Variants in PRKCE observed in about 807,000 individuals in gnomAD.
PRKCE encodes the protein protein kinase C epsilon.
In PRKCE, 16 loss-of-function variants were observed where a neutral mutation model predicts 85.4. That is an observed-to-expected ratio of 0.19 (90% CI 0.13 to 0.28). PRKCE has a LOEUF of 0.28. Ranked by LOEUF, PRKCE falls within the 10% of genes least tolerant of loss-of-function variation. PRKCE has a pLI of 1.00. For missense variants in PRKCE, 573 were observed against 975.2 expected, an observed-to-expected ratio of 0.59 and a Z score of 5.49; for synonymous variants, 388 against 371.5, an observed-to-expected ratio of 1.04 and a Z score of -0.51.
At chr2:45,672,367 C>T (rs541387998) in intron 1 of PRKCE, among the ~76,000 whole-genome samples, 1 of 152,220 alleles carries the variant, frequency 6.6e-6, no homozygotes, top group East Asian at 1.9e-4. Flanking sequence ...TCCATTCATT[C>T]ATCCATCTCT....
intron 1 of PRKCE, among the ~76,000 whole-genome samples, chr2:45,693,175 G>A (rs959893801): frequency 6.6e-5 from 10 of 152,066 alleles, no homozygotes; most frequent in African/African-American, 1.9e-4. Flanking sequence ...GGTCAGAGGC[G>A]ACCCTCAGAC....
chr2:45,976,371 A>T, intron 2 of PRKCE, 58 bp from the exon 3 acceptor site: 1 of 1,561,122 alleles, frequency 6.4e-7, no homozygotes, highest in Non-Finnish European at 8.7e-7. Flanking sequence ...GAGGGAGCTC[A>T]TTTTGAAGGT....
At chr2:45,883,133 C>T (rs1287155282) in intron 2 of PRKCE, among the ~76,000 whole-genome samples, 3 of 152,250 alleles carry the variant, frequency 2.0e-5, no homozygotes, top group African/African-American at 4.8e-5. Context: ...CTCATTCCTG[C>T]AGCCAGCCAT....
intron 1 of PRKCE, among the ~76,000 whole-genome samples, chr2:45,703,137 T>G (rs1263203971): frequency 6.8e-6 from 1 of 147,018 alleles, no homozygotes; most frequent in African/African-American, 2.5e-5. Flanking sequence ...TTTTTTTTTT[T>G]GTATTTCTGA....
chr2:45,683,784 C>A (rs1239116113), intron 1 of PRKCE, among the ~76,000 whole-genome samples: 5 of 152,176 alleles, frequency 3.3e-5, no homozygotes, highest in African/African-American at 1.2e-4. Flanking sequence ...GCTCCGTCCT[C>A]CCAGCTATAC....
chr2:46,063,591 T>C (rs72806757), intron 10 of PRKCE, among the ~76,000 whole-genome samples: 3,479 of 152,266 alleles, frequency 0.023, 67 homozygotes, highest in South Asian at 0.074. Context: ...TATTTGAGGC[T>C]CTGTGAAGCA....
intron 1 of PRKCE, among the ~76,000 whole-genome samples, chr2:45,744,353 T>G (rs1210344749): frequency 6.6e-6 from 1 of 152,196 alleles, no homozygotes; most frequent in Non-Finnish European, 1.5e-5. Context: ...TGGCCACACA[T>G]CAGAATCACA....
At chr2:45,868,262 G>A (rs1254530525) in intron 2 of PRKCE, among the ~76,000 whole-genome samples, 2 of 81,536 alleles carry the variant, frequency 2.5e-5, no homozygotes, top group East Asian at 3.9e-4. Context: ...CTACAGCCCA[G>A]CTTGGGTTAA....
chr2:45,703,117 T>A (rs1678808607), intron 1 of PRKCE, among the ~76,000 whole-genome samples: 1 of 40,336 alleles, frequency 2.5e-5, no homozygotes, highest in African/African-American at 1.5e-4. Context: ...TCAGCTTCTG[T>A]TTTATTTATT....
At chr2:45,941,202 C>T (rs1168479718) in intron 2 of PRKCE, among the ~76,000 whole-genome samples, 1 of 151,924 alleles carries the variant, frequency 6.6e-6, no homozygotes, top group Non-Finnish European at 1.5e-5. Flanking sequence ...CTTGAAGAAG[C>T]ACTCATGTGG....
At chr2:45,712,151 T>A (rs1475384462) in intron 1 of PRKCE, among the ~76,000 whole-genome samples, 1 of 139,272 alleles carries the variant, frequency 7.2e-6, no homozygotes, top group African/African-American at 2.7e-5. Context: ...TTTTTTTTTT[T>A]TTTTTTTTTT....
chr2:46,010,270 T>C, intron 9 of PRKCE, 74 bp from the exon 10 acceptor site: 2 of 1,416,370 alleles, frequency 1.4e-6, no homozygotes, highest in South Asian at 1.6e-5. Flanking sequence ...TTTTGAAGTA[T>C]TTGGTATTAG....
Position 45,652,424 on chromosome 2 carries a change from C to T in PRKCE, c.324C>T (p.Asn108=). 1.3e-6 allele frequency: 2 copies of T among 1,590,898 alleles called. No homozygotes were observed. The highest frequency in any genetic ancestry group is 8.5e-7 in the Non-Finnish European group (1 of 1,170,668). Residue 108 remains asparagine, a synonymous_variant, in exon 1 of 15, where the codon AAC becomes AAT. Coordinates refer to ENST00000306156, the MANE Select transcript of PRKCE (RefSeq NM_005400.3). The surrounding 1 kb of genome is among the most constrained non-coding windows in gnomAD (Gnocchi z 7.7). The part of the protein sequence containing the change: ...CTIQFEELLQ[N]GSRHFEDWID... ...TCCAGTTTGAGGAGCTGCTGCAGAACGGGAGCCGCCACTTCGAGGACTGGG... is the reference window on the plus strand; with the variant it reads ...TCCAGTTTGAGGAGCTGCTGCAGAATGGGAGCCGCCACTTCGAGGACTGGG...
chr2:46,014,797 C>T (rs1705986113), intron 10 of PRKCE, among the ~76,000 whole-genome samples: 1 of 152,138 alleles, frequency 6.6e-6, no homozygotes, highest in Non-Finnish European at 1.5e-5. Context: ...GTAGAACCTA[C>T]CCTGGACCTG....
At chr2:46,029,675 C>T (rs74459971) in intron 10 of PRKCE, among the ~76,000 whole-genome samples, 3,453 of 140,184 alleles carry the variant, frequency 0.025, 108 homozygotes, top group African/African-American at 0.077. Flanking sequence ...AGGGGTTTGT[C>T]GTCGTATGGG....
At chr2:46,030,151 G>A (rs970528215) in intron 10 of PRKCE, among the ~76,000 whole-genome samples, 1 of 152,150 alleles carries the variant, frequency 6.6e-6, no homozygotes, top group Non-Finnish European at 1.5e-5. Flanking sequence ...CCTCACTGCT[G>A]TCTCCATAGT....
In PRKCE at chr2:46,184,731, A is replaced by G. The variant is rs375719393; in HGVS notation, c.2068-4A>G. 1.3e-6 allele frequency: 2 copies of G among 1,599,212 alleles called. No homozygotes were observed. Among genetic ancestry groups the G allele is most frequent in the Non-Finnish European group, 1.7e-6 (2 of 1,179,844 alleles). ...ACTCACCACTTTCTCTTTTCTTCCCACAGAAAACCAAAAGAGACGTCAATA... is the reference window on the plus strand; with the variant it reads ...ACTCACCACTTTCTCTTTTCTTCCCGCAGAAAACCAAAAGAGACGTCAATA... On this transcript the variant is annotated splice_region_variant and splice_polypyrimidine_tract_variant and intron_variant, in intron 14 of 14. Coordinates refer to ENST00000306156, the MANE Select transcript of PRKCE (RefSeq NM_005400.3). The surrounding 1 kb of genome is among the most constrained non-coding windows in gnomAD (Gnocchi z 5.0).
intron 11 of PRKCE, among the ~76,000 whole-genome samples, chr2:46,097,683 A>G (rs1251615971): frequency 6.6e-6 from 1 of 152,330 alleles, no homozygotes; most frequent in Non-Finnish European, 1.5e-5. Context: ...CACTTTAGTT[A>G]TAAAAGTCAT....
chr2:46,098,408 A>C (rs192419465), intron 11 of PRKCE, among the ~76,000 whole-genome samples: 1 of 152,336 alleles, frequency 6.6e-6, no homozygotes, highest in Admixed American at 6.5e-5. Flanking sequence ...GTACAGAGTA[A>C]TTGCTCACTA....
Sources: allele counts gnomAD v4.1 joint callset (sites outside exome capture counted in the v4.1 genomes callset), GRCh38; gene constraint gnomAD v4.1.1; non-coding constraint Gnocchi (gnomAD v3.1); transcripts MANE v1.5; gene names NCBI Gene and HGNC (gene_info 2026-07-23, HGNC 2026-07-21).